RBMS3: variants seen among roughly 807,000 people sequenced by gnomAD.
The protein encoded by RBMS3 is RNA-binding motif, single-stranded-interacting protein 3.
A neutral mutation model predicts 66.8 loss-of-function variants in RBMS3; 27 were observed. The observed-to-expected ratio is 0.40, with a 90% CI of 0.30 to 0.56. The LOEUF is 0.56. Among genes scored for constraint, RBMS3 ranks in the 20% least tolerant of loss-of-function variants. The probability of loss-of-function intolerance (pLI) is 0.40; values close to 1 mark genes in which losing one functional copy is unlikely to be tolerated. For synonymous variants in RBMS3, 188 were observed against 183.0 expected (o/e 1.03, Z -0.22); for missense variants, 513 against 549.5 (o/e 0.93, Z 0.66).
intron 1 of RBMS3, among the ~76,000 whole-genome samples, chr3:29,299,553 G>A (rs977215953): frequency 4.0e-5 from 6 of 151,578 alleles, no homozygotes; most frequent in Non-Finnish European, 7.4e-5. Context: ...CCAACTGCGG[G>A]TTCCATCAAG....
At chr3:29,726,630 T>G (rs1425259872) in intron 4 of RBMS3, among the ~76,000 whole-genome samples, 2 of 151,974 alleles carry the variant, frequency 1.3e-5, no homozygotes, top group Non-Finnish European at 2.9e-5. Flanking sequence ...ATAAAATACC[T>G]AGGAATACAA....
intron 1 of RBMS3, among the ~76,000 whole-genome samples, chr3:29,352,879 G>A (rs7615117): frequency 0.72 from 109,107 of 151,464 alleles, 39,349 homozygotes; most frequent in Non-Finnish European, 0.75. Flanking sequence ...ACTTAACATA[G>A]TGACCTCCAG....
At chr3:29,403,263 G>A (rs1366241822) in intron 1 of RBMS3, among the ~76,000 whole-genome samples, 2 of 151,984 alleles carry the variant, frequency 1.3e-5, no homozygotes, top group Admixed American at 6.6e-5. Flanking sequence ...CTAAGATTCA[G>A]GTGGAGAAGT....
At chr3:29,606,905 G>A (rs541333048) in intron 4 of RBMS3, among the ~76,000 whole-genome samples, 3 of 151,934 alleles carry the variant, frequency 2.0e-5, no homozygotes, top group African/African-American at 7.2e-5. Flanking sequence ...TTAATTTAGA[G>A]TGAAATTTTT....
At position 29,991,218 on chromosome 3, in the gene RBMS3, G is replaced by A; in HGVS notation, c.1307+9G>A. On this transcript the variant is annotated intron_variant, in intron 14 of 14. Coordinates refer to ENST00000383767, the MANE Select transcript of RBMS3 (RefSeq NM_001003793.3). Reference sequence around the variant, plus strand: ...TCTTACCAACAGTCTAAGTAAGTCTGGGCTGTGCTAAGCTCTTTTCCTCAA... The same window carrying A: ...TCTTACCAACAGTCTAAGTAAGTCTAGGCTGTGCTAAGCTCTTTTCCTCAA... 1 of 1,613,984 alleles carries A rather than the reference G, an allele frequency of 6.2e-7. No homozygotes were observed. Among genetic ancestry groups the A allele is most frequent in the Non-Finnish European group, 8.5e-7 (1 of 1,179,962 alleles).
In RBMS3 at chr3:29,580,282, A is replaced by G. The variant is rs577866762; in HGVS notation, c.308-6832A>G. 1.4e-4 allele frequency among the ~76,000 whole-genome samples: 22 copies of G among 152,350 alleles called. 1 individual carries two copies. In the South Asian group the frequency reaches 4.4e-3, roughly 30 times the overall value. ...TACTAGCACTTTTTTCCCACAATTT[A>G]TATGGTAGTGATTACTCTCTATATC... On this transcript the variant is annotated intron_variant, in intron 3 of 14. Transcript: ENST00000383767.
chr3:29,895,117 A>G (rs1334157583), intron 8 of RBMS3, among the ~76,000 whole-genome samples: 3 of 151,616 alleles, frequency 2.0e-5, no homozygotes, highest in Non-Finnish European at 4.4e-5. Context: ...TGATTAATAC[A>G]CAAATACAGT....
intron 7 of RBMS3, among the ~76,000 whole-genome samples, chr3:29,871,498 T>C (rs756330611): frequency 3.9e-5 from 6 of 152,134 alleles, no homozygotes; most frequent in Admixed American, 3.3e-4. Flanking sequence ...TTTACCATTA[T>C]ACTAAGGTTG....
intron 3 of RBMS3, among the ~76,000 whole-genome samples, chr3:29,571,502 T>A (rs2046952884): frequency 1.3e-5 from 2 of 152,168 alleles, no homozygotes. Context: ...GGATATCTAG[T>A]TTTCCCAGTA....
At chr3:29,769,657 G>A (rs1054487824) in intron 6 of RBMS3, among the ~76,000 whole-genome samples, 29 of 151,874 alleles carry the variant, frequency 1.9e-4, no homozygotes, top group African/African-American at 6.3e-4. Flanking sequence ...TTCCAAACCA[G>A]AGTATTTTTC....
At chr3:29,407,673 A>AT (rs2040082736) in intron 1 of RBMS3, among the ~76,000 whole-genome samples, 1 of 152,134 alleles carries the variant, frequency 6.6e-6, no homozygotes, top group African/African-American at 2.4e-5. Context: ...CTAACAGATG[A>AT]TTGAGTTAGG....
intron 10 of RBMS3, among the ~76,000 whole-genome samples, chr3:29,906,362 A>C (rs1041825693): frequency 6.6e-6 from 1 of 152,088 alleles, no homozygotes; most frequent in Non-Finnish European, 1.5e-5. Flanking sequence ...ATGGCAGAAG[A>C]CATCACCTGG....
chr3:29,871,255 A>AT (rs1375572074), intron 7 of RBMS3, among the ~76,000 whole-genome samples: 1 of 152,096 alleles, frequency 6.6e-6, no homozygotes, highest in Non-Finnish European at 1.5e-5. Context: ...GATAATATGC[A>AT]TTTTCTCCTG....
chr3:29,403,490 A>C (rs1329641879), intron 1 of RBMS3, among the ~76,000 whole-genome samples: 1 of 152,068 alleles, frequency 6.6e-6, no homozygotes, highest in Non-Finnish European at 1.5e-5. Flanking sequence ...CAACCAGGGA[A>C]GATGAGCTGG....
intron 1 of RBMS3, among the ~76,000 whole-genome samples, chr3:29,429,562 T>C (rs1041035512): frequency 1.3e-4 from 20 of 152,072 alleles, no homozygotes; most frequent in African/African-American, 4.3e-4. Context: ...TCATCCAAAA[T>C]CCCCTTCTGA....
At chr3:29,659,671 T>C (rs545612691) in intron 4 of RBMS3, among the ~76,000 whole-genome samples, 41 of 152,354 alleles carry the variant, frequency 2.7e-4, no homozygotes, top group African/African-American at 9.9e-4. Flanking sequence ...CTATTGTAAA[T>C]AATACTGCTA....
intron 1 of RBMS3, among the ~76,000 whole-genome samples, chr3:29,420,947 G>GCA (rs777463375): frequency 0.027 from 3,398 of 125,446 alleles, 131 homozygotes; most frequent in African/African-American, 0.077. Context: ...TACTAAAAAT[G>GCA]AAAAAAAAAA....
chr3:29,874,360 G>C (rs181715940), intron 7 of RBMS3, among the ~76,000 whole-genome samples: 3 of 152,194 alleles, frequency 2.0e-5, no homozygotes, highest in East Asian at 3.9e-4. Context: ...TGGTAATACC[G>C]TCTAGGCTTA....
intron 4 of RBMS3, among the ~76,000 whole-genome samples, chr3:29,682,656 G>T (rs1323672078): frequency 6.6e-6 from 1 of 152,144 alleles, no homozygotes; most frequent in Admixed American, 6.5e-5. Context: ...GCGAACTGCT[G>T]CACCTGGCAA....
Sources: gnomAD v4.1 joint callset for allele counts (sites outside exome capture counted in the v4.1 genomes callset) on GRCh38, gnomAD v4.1.1 for gene constraint, MANE v1.5 for transcripts, NCBI Gene and HGNC (gene_info 2026-07-23, HGNC 2026-07-21) for gene names.